Variants in BAIAP2 observed in about 807,000 individuals in gnomAD.
BAIAP2 encodes the protein BAR/IMD domain-containing adapter protein 2.
A neutral mutation model predicts 63.0 loss-of-function variants in BAIAP2; 18 were observed. That is an observed-to-expected ratio of 0.29 (90% CI 0.20 to 0.42). BAIAP2 has a LOEUF of 0.42. BAIAP2 is among the 10% of genes least tolerant of loss of function. BAIAP2 has a pLI of 1.00. For synonymous variants in BAIAP2, 386 were observed against 307.6 expected (o/e 1.25, Z -2.67); for missense variants, 610 against 734.3 (o/e 0.83, Z 1.96).
chr17:81,086,642 C>T, intron 6 of BAIAP2, 62 bp downstream of exon 6: 4 of 1,588,038 alleles, frequency 2.5e-6, no homozygotes, highest in Admixed American at 1.7e-5. Flanking sequence ...CACCCCTCGG[C>T]CCCCCTCGTC....
rs373376534 is a variant in BAIAP2 at position 81,070,479 on chromosome 17, C to T, written c.217+12512C>T. Among the ~76,000 whole-genome samples the T allele has an allele frequency of 1.4e-3, 207 of 152,290 alleles. 2 individuals are homozygous for T. In the South Asian group the frequency reaches 0.039, roughly 28 times the overall value. On this transcript the variant is annotated intron_variant, in intron 3 of 13. Coordinates refer to ENST00000428708, the MANE Select transcript of BAIAP2 (RefSeq NM_001144888.2). Reference sequence around the variant, plus strand: ...CCCCGTCAGACCTTAAACCTCCTTGCGGACACTGGGCAAAGGAAGAGGCAA... The same window carrying T: ...CCCCGTCAGACCTTAAACCTCCTTGTGGACACTGGGCAAAGGAAGAGGCAA...
At chr17:81,086,621 T>A in intron 6 of BAIAP2, 41 bp downstream of exon 6, 2 of 1,609,062 alleles carry the variant, frequency 1.2e-6, no homozygotes, top group Non-Finnish European at 1.7e-6. Context: ...TCCTGCCACC[T>A]TGGGACTGCT....
intron 13 of BAIAP2, chr17:81,110,823 C>T (rs2059836240): frequency 6.5e-6 from 10 of 1,531,878 alleles, no homozygotes; most frequent in Non-Finnish European, 2.7e-6. Context: ...TTCTAGGTCT[C>T]CTGGCAGCTC....
intron 3 of BAIAP2, among the ~76,000 whole-genome samples, chr17:81,073,214 TCGGACCTTCC>T (rs2053016346): frequency 6.6e-6 from 1 of 152,158 alleles, no homozygotes; most frequent in Non-Finnish European, 1.5e-5. Context: ...AGCCTCCTTC[TCGGACCTTCC>T]CCACCACTGT....
chr17:81,098,093 A>C, intron 6 of BAIAP2: 1 of 1,349,082 alleles, frequency 7.4e-7, no homozygotes, highest in Non-Finnish European at 9.6e-7. Context: ...GGGGTCATGG[A>C]GGGGCCAGCG....
chr17:81,067,771 G>A (rs968795269), intron 3 of BAIAP2, among the ~76,000 whole-genome samples: 3 of 152,232 alleles, frequency 2.0e-5, no homozygotes, highest in African/African-American at 4.8e-5. Flanking sequence ...ACGCCACAGC[G>A]TCAGGCCTCA....
chr17:81,072,181 T>A (rs1375619592), intron 3 of BAIAP2, among the ~76,000 whole-genome samples: 1 of 152,236 alleles, frequency 6.6e-6, no homozygotes, highest in Non-Finnish European at 1.5e-5. Flanking sequence ...GCATTCCACC[T>A]GCCCAAGGGC....
intron 13 of BAIAP2, chr17:81,110,469 C>T (rs1304731341): frequency 5.0e-6 from 5 of 1,007,446 alleles, no homozygotes; most frequent in Middle Eastern, 4.9e-4. Flanking sequence ...TGAATTGTGC[C>T]CTGTACTGCA....
chr17:81,085,358 C>T, intron 4 of BAIAP2: 1 of 586,482 alleles, frequency 1.7e-6, no homozygotes, highest in South Asian at 1.8e-5. Flanking sequence ...GCCTGTGTCG[C>T]AGTGATCCCC....
intron 7 of BAIAP2, among the ~76,000 whole-genome samples, chr17:81,103,282 C>T (rs1237646070): frequency 3.3e-5 from 5 of 152,268 alleles, no homozygotes; most frequent in African/African-American, 7.2e-5. Context: ...GGAGGTCCCC[C>T]GACTGCATGG....
chr17:81,062,742 T>G (rs2050793857), intron 3 of BAIAP2, among the ~76,000 whole-genome samples: 2 of 150,948 alleles, frequency 1.3e-5, no homozygotes, highest in East Asian at 3.9e-4. Context: ...GGAATGTGTT[T>G]GAGCCAGTAC....
chr17:81,110,442 CTTTT>C, intron 13 of BAIAP2: 36 of 994,092 alleles, frequency 3.6e-5, no homozygotes, highest in Non-Finnish European at 4.2e-5. Flanking sequence ...GTTTCCTTTC[CTTTT>C]TTTTAAAAAA....
rs551528796 is a variant in BAIAP2, at chr17:81,055,354, C to G, written c.130+1611C>G. ...CTAGTTGGGGGTGGCCTTCATGTTT[C>G]CTTGTGGGCATGAATGGGACAGGGA... is the stretch of plus-strand genomic sequence containing the variant. On this transcript the variant is annotated intron_variant, in intron 2 of 13. Transcript: ENST00000428708. Among the ~76,000 whole-genome samples, 35 of 152,230 alleles carry G rather than the reference C, an allele frequency of 2.3e-4. 1 individual carries two copies. In the Middle Eastern group the frequency reaches 0.017, roughly 74 times the overall value.
chr17:81,111,026 TCA>T (rs2059865765), intron 13 of BAIAP2: 13 of 1,589,376 alleles, frequency 8.2e-6, no homozygotes, highest in Non-Finnish European at 7.8e-6. Context: ...CCCTCTGGCC[TCA>T]GTCACGCAGC....
At chr17:81,115,625 C>T (rs1004137662) in intron 13 of BAIAP2, 145 bp from the exon 14 acceptor site, 15 of 953,136 alleles carry the variant, frequency 1.6e-5, no homozygotes, top group Admixed American at 6.3e-5. Context: ...CGCAAAGCAG[C>T]GTATATTGTC....
intron 4 of BAIAP2, 107 bp downstream of exon 4, chr17:81,085,000 C>A: frequency 3.4e-6 from 4 of 1,193,458 alleles, no homozygotes; most frequent in South Asian, 2.5e-5. Flanking sequence ...AGTTGTCCAG[C>A]CACACTCGGA....
intron 6 of BAIAP2, among the ~76,000 whole-genome samples, chr17:81,096,150 T>C (rs534216550): frequency 6.6e-6 from 1 of 152,218 alleles, no homozygotes; most frequent in East Asian, 1.9e-4. Flanking sequence ...CAGCAACCAG[T>C]GTGGAGGCCG....
chr17:81,094,870 C>T (rs1439495179), intron 6 of BAIAP2, among the ~76,000 whole-genome samples: 7 of 152,250 alleles, frequency 4.6e-5, no homozygotes, highest in African/African-American at 2.4e-5. Context: ...CCAAGAATTA[C>T]GTTCTCATTC....
chr17:81,079,518 G>GCTC lies in BAIAP2; in HGVS notation c.218-5301_218-5299dup, dbSNP rs2054240110. On this transcript the variant is annotated intron_variant, in intron 3 of 13. Transcript: ENST00000428708. ...TGTGCCCCCTTTCTAGCCCTCCGATGCTCCTCCTCCTCCTCACTCCCCAGC... is the reference window on the plus strand; with the variant it reads ...TGTGCCCCCTTTCTAGCCCTCCGATGCTCCTCCTCCTCCTCCTCACTCCCCAGC... Among the ~76,000 whole-genome samples the GCTC allele has an allele frequency of 3.3e-5, 5 of 152,074 alleles. No homozygotes were observed. In the South Asian group the frequency reaches 1.0e-3, roughly 32 times the overall value.
Sources: gnomAD v4.1 joint callset for allele counts (sites outside exome capture counted in the v4.1 genomes callset) on GRCh38, gnomAD v4.1.1 for gene constraint, MANE v1.5 for transcripts, NCBI Gene and HGNC (gene_info 2026-07-23, HGNC 2026-07-21) for gene names.